Variants in LRRC38 observed in about 807,000 individuals in gnomAD.
The protein encoded by LRRC38 is leucine rich repeat containing 38.
A neutral mutation model predicts 16.4 loss-of-function variants in LRRC38; 5 were observed. The observed-to-expected ratio is 0.31, with a 90% CI of 0.16 to 0.64. The LOEUF is 0.64. LRRC38 is among the 30% of genes least tolerant of loss of function. The pLI, the probability that LRRC38 is intolerant of heterozygous loss-of-function variation, is 0.80. For missense variants in LRRC38, 341 were observed against 401.8 expected, an observed-to-expected ratio of 0.85 and a Z score of 1.29; for synonymous variants, 191 against 190.2, an observed-to-expected ratio of 1.00 and a Z score of -0.04.
chr1:13,512,931 C>CACCCA, intron 1 of LRRC38, 32 bp downstream of exon 1: 1 of 1,404,098 alleles, frequency 7.1e-7, no homozygotes, highest in Non-Finnish European at 9.7e-7. Context: ...GCCCCCCTCC[C>CACCCA]TCCCTCCCCC....
At chr1:13,500,707 G>A (rs1471710638) in intron 1 of LRRC38, among the ~76,000 whole-genome samples, 14 of 152,148 alleles carry the variant, frequency 9.2e-5, no homozygotes, top group Non-Finnish European at 1.3e-4. Context: ...TGTCATACAC[G>A]CATTCTGAAC....
At chr1:13,498,628 C>T (rs960333121) in intron 1 of LRRC38, among the ~76,000 whole-genome samples, 4 of 152,136 alleles carry the variant, frequency 2.6e-5, no homozygotes, top group Admixed American at 2.0e-4. Flanking sequence ...GAGACTCTGT[C>T]TCAAAAAACA....
intron 1 of LRRC38, among the ~76,000 whole-genome samples, chr1:13,479,110 A>AAAAAAT (rs1311597336): frequency 6.6e-6 from 1 of 152,180 alleles, no homozygotes; most frequent in African/African-American, 2.4e-5. Context: ...TTTATCTTTT[A>AAAAAAT]AAAAATAAAA....
intron 1 of LRRC38, 96 bp from the exon 2 acceptor site, chr1:13,476,195 C>T: frequency 8.9e-7 from 1 of 1,125,094 alleles, no homozygotes. Context: ...CAGCAATGTG[C>T]AAGCATCCTC....
intron 1 of LRRC38, among the ~76,000 whole-genome samples, chr1:13,486,725 G>A (rs1232276146): frequency 6.6e-6 from 1 of 151,744 alleles, no homozygotes; most frequent in African/African-American, 2.4e-5. Flanking sequence ...CAAGTAACTG[G>A]GGTTACAGGC....
intron 1 of LRRC38, among the ~76,000 whole-genome samples, chr1:13,485,468 T>C (rs774631967): frequency 6.6e-6 from 1 of 151,460 alleles, no homozygotes; most frequent in Non-Finnish European, 1.5e-5. Flanking sequence ...TTCGGGAGGC[T>C]GAGGAAGGAG....
intron 1 of LRRC38, among the ~76,000 whole-genome samples, chr1:13,492,430 G>A (rs1471972424): frequency 6.6e-6 from 1 of 152,156 alleles, no homozygotes; most frequent in East Asian, 1.9e-4. Flanking sequence ...GCCGGGTGCG[G>A]TGGCTTACGC....
At chr1:13,504,842 G>GA (rs1328137166) in intron 1 of LRRC38, among the ~76,000 whole-genome samples, 117 of 139,500 alleles carry the variant, frequency 8.4e-4, no homozygotes, top group African/African-American at 3.1e-3. Context: ...AAAGAAGAAA[G>GA]AAAGAAAAGA....
intron 1 of LRRC38, among the ~76,000 whole-genome samples, chr1:13,485,271 C>T (rs1348371586): frequency 1.4e-5 from 2 of 139,882 alleles, no homozygotes; most frequent in Non-Finnish European, 3.0e-5. Context: ...GAGCAAAACC[C>T]CACCTTAAAA....
chr1:13,500,919 G>A (rs192301503), intron 1 of LRRC38, among the ~76,000 whole-genome samples: 8 of 152,294 alleles, frequency 5.3e-5, no homozygotes, highest in Non-Finnish European at 1.0e-4. Context: ...GGAGGGAGGG[G>A]AGAGGAATGA....
intron 1 of LRRC38, among the ~76,000 whole-genome samples, chr1:13,476,302 C>T (rs1333184492): frequency 2.7e-5 from 4 of 148,708 alleles, no homozygotes; most frequent in South Asian, 2.1e-4. Context: ...AAAGTTGGAA[C>T]GTGCTGGTCT....
chr1:13,488,723 T>G (rs375978527), intron 1 of LRRC38, among the ~76,000 whole-genome samples: 106 of 152,316 alleles, frequency 7.0e-4, no homozygotes, highest in African/African-American at 1.9e-3. Context: ...TTAGTTTGCA[T>G]TTATCTGATT....
intron 1 of LRRC38, among the ~76,000 whole-genome samples, chr1:13,497,962 CAAAA>C (rs370605050): frequency 1.4e-5 from 1 of 69,024 alleles, no homozygotes; most frequent in Non-Finnish European, 2.8e-5. Flanking sequence ...AACTCCATCA[CAAAA>C]AAAAAAAAAA....
At chr1:13,510,344 T>C (rs551605117) in intron 1 of LRRC38, among the ~76,000 whole-genome samples, 2 of 152,196 alleles carry the variant, frequency 1.3e-5, no homozygotes, top group African/African-American at 4.8e-5. Flanking sequence ...ACTCTCTGTG[T>C]GATCTAAGGC....
intron 1 of LRRC38, among the ~76,000 whole-genome samples, chr1:13,509,982 T>C (rs886758249): frequency 6.6e-6 from 1 of 152,148 alleles, no homozygotes; most frequent in African/African-American, 2.4e-5. Context: ...CCTGTGAATC[T>C]GCACTTCACA....
chr1:13,496,329 T>A (rs2100509884), intron 1 of LRRC38, among the ~76,000 whole-genome samples: 1 of 150,872 alleles, frequency 6.6e-6, no homozygotes, highest in South Asian at 2.1e-4. Context: ...CCACCAAACC[T>A]AGCTATTTAT....
At chr1:13,504,725 GGGGGAGGGGAGGGGAAGGGAGGGGA>G (rs1639189125) in intron 1 of LRRC38, among the ~76,000 whole-genome samples, 2 of 117,096 alleles carry the variant, frequency 1.7e-5, no homozygotes, top group African/African-American at 3.5e-5. Flanking sequence ...TGTGTTGAAG[GGGGGAGGGGAGGGGAAGGGAGGGGA>G]GGGGAGGGGA....
At chr1:13,511,222 T>C (rs1415640220) in intron 1 of LRRC38, among the ~76,000 whole-genome samples, 4 of 152,172 alleles carry the variant, frequency 2.6e-5, no homozygotes, top group African/African-American at 7.2e-5. Flanking sequence ...CATCACCTTG[T>C]TTGGATCTCG....
At chr1:13,491,789 C>A (rs1243811198) in intron 1 of LRRC38, among the ~76,000 whole-genome samples, 1 of 152,182 alleles carries the variant, frequency 6.6e-6, no homozygotes, top group African/African-American at 2.4e-5. Context: ...GATTCTCCTG[C>A]CTCAGCCTCC....
Sources: allele counts gnomAD v4.1 joint callset (sites outside exome capture counted in the v4.1 genomes callset), GRCh38; gene constraint gnomAD v4.1.1; transcripts MANE v1.5; gene names NCBI Gene and HGNC (gene_info 2026-07-23, HGNC 2026-07-21).